Variants in OGT observed in about 807,000 individuals in gnomAD.
OGT encodes O-linked N-acetylglucosamine (GlcNAc) transferase, also known as UDP-N-acetylglucosamine--peptide N-acetylglucosaminyltransferase 110 kDa subunit.
In OGT, 3 loss-of-function variants were observed where a neutral mutation model predicts 75.8. That is an observed-to-expected ratio of 0.04 (90% CI 0.02 to 0.10). The LOEUF (loss-of-function observed/expected upper bound fraction) is 0.10, where lower values mean the gene tolerates loss of function less well. Among genes scored for constraint, OGT ranks in the 10% least tolerant of loss-of-function variants. The pLI is 1.00. For missense variants in OGT, 260 were observed against 824.4 expected, an observed-to-expected ratio of 0.32 and a Z score of 8.38; for synonymous variants, 257 against 289.7, an observed-to-expected ratio of 0.89 and a Z score of 1.15.
At chrX:71,573,590 T>A (rs761593017) in intron 21 of OGT, 30 bp from the exon 22 acceptor site, 122 of 1,153,691 alleles carry the variant, frequency 1.1e-4, no homozygotes, top group Non-Finnish European at 1.4e-4. Flanking sequence ...CTCTGATTTG[T>A]AAACTGGGTT....
chrX:71,535,317 C>G (rs2040167887), intron 1 of OGT, among the ~76,000 whole-genome samples: 1 of 111,513 alleles, frequency 9.0e-6, no homozygotes, highest in Admixed American at 9.6e-5. Context: ...AACTGCCTGG[C>G]TTATATAGGC....
chrX:71,541,941 G>A (rs527386998), intron 3 of OGT, among the ~76,000 whole-genome samples: 2 of 111,200 alleles, frequency 1.8e-5, no homozygotes, highest in African/African-American at 6.5e-5. Context: ...TGTATACAGT[G>A]CCCTCCTCCT....
chrX:71,567,529 C>G lies in OGT; in HGVS notation c.2619C>G (p.Leu873=), dbSNP rs2040424295. 7 of 1,179,982 alleles carry G rather than the reference C, an allele frequency of 5.9e-6. No individual in the cohort carries two copies. The highest frequency in any genetic ancestry group is 8.0e-6 in the Non-Finnish European group (7 of 873,908). ...NILKRVPNSV[L]WLLRFPAVGE... ...TGAAGCGTGTTCCCAATAGTGTACT[C>G]TGGCTGTTGCGTTTTCCAGCAGTAG... is the stretch of plus-strand genomic sequence containing the variant. The change falls in exon 20 of 22, where the codon CTC becomes CTG. Residue 873 remains leucine, a synonymous_variant. Transcript: ENST00000373719.
chrX:71,548,869 A>G (rs1315314110), intron 5 of OGT, among the ~76,000 whole-genome samples: 2 of 111,560 alleles, frequency 1.8e-5, no homozygotes, highest in African/African-American at 6.5e-5. Flanking sequence ...CAATTTACCC[A>G]TTTAACAAAC....
chrX:71,569,844 T>A (rs1179856997), intron 21 of OGT, among the ~76,000 whole-genome samples: 1 of 108,062 alleles, frequency 9.3e-6, no homozygotes, highest in Admixed American at 1.0e-4. Context: ...CAAGCAATTC[T>A]CCTGCTTCAG....
At position 71,537,826 on chromosome X, in the gene OGT, C is replaced by T; in HGVS notation, c.219-3C>T. On this transcript the variant is annotated splice_polypyrimidine_tract_variant and splice_region_variant and intron_variant, in intron 2 of 21. Transcript: ENST00000373719. ...ATGCATTAACACTTGTCGCCTTTTC[C>T]AGATCTGCTCACTTTAGCACTCTGG... 1 of 1,211,307 alleles carries T rather than the reference C, an allele frequency of 8.3e-7. No homozygotes were observed. The highest frequency in any genetic ancestry group is 1.1e-6 in the Non-Finnish European group (1 of 895,217).
Position 71,557,408 on chromosome X carries a change from G to T in OGT, c.1423-85G>T. 1 of 1,081,348 alleles carries T rather than the reference G, an allele frequency of 9.2e-7. No individual in the cohort carries two copies. The allele number at this position is 1,081,348 out of a possible 1,213,427, so 89.1% of individuals were successfully genotyped here. A position where few individuals can be genotyped will look rare whatever the true frequency, so the allele number is the denominator to read the frequency against. ...AAATAGTATTTTTAATAGGCTATCT[G>T]ACATTACTTTAGGCCAAAGACATAT... On this transcript the variant is annotated intron_variant, in intron 11 of 21. Transcript: ENST00000373719.
intron 12 of OGT, among the ~76,000 whole-genome samples, chrX:71,558,576 C>G (rs1481689324): frequency 9.2e-6 from 1 of 108,656 alleles, no homozygotes; most frequent in Non-Finnish European, 1.9e-5. Context: ...AGGCTGGTCT[C>G]GAAATCCTGA....
chrX:71,545,819 A>T (rs2040255967), intron 4 of OGT: 1 of 112,467 alleles, frequency 8.9e-6, no homozygotes, highest in African/African-American at 3.2e-5. Flanking sequence ...CAAATATTTG[A>T]TAAGCTCCTA....
intron 4 of OGT, 176 bp from the exon 5 acceptor site, chrX:71,547,731 T>G: frequency 9.3e-7 from 1 of 1,080,242 alleles, no homozygotes. Context: ...TGGCAGCGCA[T>G]TAGTTTTGGC....
intron 5 of OGT, among the ~76,000 whole-genome samples, chrX:71,548,722 A>C (rs1362602866): frequency 9.0e-6 from 1 of 111,173 alleles, no homozygotes; most frequent in African/African-American, 3.3e-5. Context: ...ACACATGGAC[A>C]CAAAGGGGAA....
chrX:71,563,792 C>A (rs1168898186), intron 18 of OGT, among the ~76,000 whole-genome samples: 1 of 109,976 alleles, frequency 9.1e-6, no homozygotes, highest in Non-Finnish European at 1.9e-5. Context: ...CAGTTTCTTG[C>A]TTCTGTAAAC....
chrX:71,543,476 C>T (rs2040234348), intron 3 of OGT, among the ~76,000 whole-genome samples: 1 of 110,707 alleles, frequency 9.0e-6, no homozygotes, highest in African/African-American at 3.3e-5. Context: ...ATTATTCACC[C>T]ACTCAACTCT....
At chrX:71,547,826 C>CCTTTTTT in intron 4 of OGT, 81 bp from the exon 5 acceptor site, 1 of 725,257 alleles carries the variant, frequency 1.4e-6, no homozygotes. Context: ...TCCCCCCAAT[C>CCTTTTTT]TTTTTTTTTT....
rs2040149166 is a variant in OGT at position 71,533,432 on chromosome X, TC to T, written c.37+100del. 7.6e-6 allele frequency: 6 copies of T among 788,101 alleles called. No individual in the cohort carries two copies. The East Asian group carries it at 2.1e-4, about 27-fold the overall frequency. The allele number at this position is 788,101 out of a possible 1,213,427, so 64.9% of individuals were successfully genotyped here. ...TCCTTCCCTCCCTTCCCTCGAACCATCCCCATTACATCAGTGACATTGCTAA... is the reference window on the plus strand; with the variant it reads ...TCCTTCCCTCCCTTCCCTCGAACCATCCCATTACATCAGTGACATTGCTAA... On this transcript the variant is annotated intron_variant, in intron 1 of 21. Coordinates refer to ENST00000373719, the MANE Select transcript of OGT (RefSeq NM_181672.3).
At chrX:71,560,754 A>T (rs1039669792) in intron 14 of OGT, among the ~76,000 whole-genome samples, 1 of 111,404 alleles carries the variant, frequency 9.0e-6, no homozygotes, top group African/African-American at 3.3e-5. Context: ...CTTTGTGACC[A>T]AGAAGCATAC....
At chrX:71,555,477 T>G (rs2040336406) in intron 7 of OGT, 92 bp downstream of exon 7, 1 of 821,871 alleles carries the variant, frequency 1.2e-6, no homozygotes, top group African/African-American at 2.0e-5. Flanking sequence ...ATGCCAGCAC[T>G]TCGGGAGGCC....
intron 4 of OGT, chrX:71,545,247 A>G (rs1426370320): frequency 1.8e-5 from 2 of 110,675 alleles, no homozygotes; most frequent in African/African-American, 6.6e-5. Flanking sequence ...CTAGTTGTCT[A>G]CCTTCTTTTC....
chrX:71,558,820 C>G (rs759883829), intron 12 of OGT, among the ~76,000 whole-genome samples: 1 of 87,037 alleles, frequency 1.1e-5, no homozygotes, highest in East Asian at 3.6e-4. Flanking sequence ...GTTGCCCAGG[C>G]TGGAGTGCAG....
Sources: allele counts gnomAD v4.1 joint callset (sites outside exome capture counted in the v4.1 genomes callset), GRCh38; gene constraint gnomAD v4.1.1; transcripts MANE v1.5; gene names NCBI Gene and HGNC (gene_info 2026-07-23, HGNC 2026-07-21).